The following LYRM4 variants were observed in gnomAD, a reference collection of about 807,000 sequenced individuals.
LYRM4 encodes LYR motif containing 4.
In LYRM4, 9 loss-of-function variants were observed where a neutral mutation model predicts 11.7. That is an observed-to-expected ratio of 0.77 (90% CI 0.46 to 1.34). The LOEUF (loss-of-function observed/expected upper bound fraction) is 1.34, where lower values mean the gene tolerates loss of function less well. Ranked by LOEUF, LYRM4 falls within the 40% of genes most tolerant of loss-of-function variation. LYRM4 has a pLI of 0.00. For missense variants in LYRM4, 133 were observed against 112.5 expected, an observed-to-expected ratio of 1.18 and a Z score of -0.82; for synonymous variants, 42 against 40.4, an observed-to-expected ratio of 1.04 and a Z score of -0.15.
At chr6:5,188,464 AGGGAGGATAAAAGAAGGGGATTATT>A (rs1760553369) in intron 2 of LYRM4, among the ~76,000 whole-genome samples, 1 of 152,230 alleles carries the variant, frequency 6.6e-6, no homozygotes, top group African/African-American at 2.4e-5. Flanking sequence ...TTGTAAATCA[AGGGAGGATAAAAGAAGGGGATTATT>A]GGTTGTGTTT....
rs140323775 is a variant in LYRM4, at chr6:5,147,506, T to C, written c.208-38015A>G. Among the ~76,000 whole-genome samples the C allele has an allele frequency of 5.3e-3, 802 of 152,314 alleles. 8 individuals carry two copies. The highest frequency in any genetic ancestry group is 0.018 in the African/African-American group (765 of 41,558). On this transcript the variant is annotated intron_variant, in intron 2 of 2. Coordinates refer to ENST00000330636, the MANE Select transcript of LYRM4 (RefSeq NM_020408.6). ...CTGGGGATCAATGTGAGGTTACAGT[T>C]GAAACTATGGGTTATCAATGTCCAC...
In LYRM4 at chr6:5,245,126, ATATATATATAT is replaced by A. The variant is rs1561899086; in HGVS notation, c.86+15511_86+15521del. Reference sequence around the variant, plus strand: ...AAAAAAAAAAAAAATATATATATATATATATATATATATATATATATATATATATATATATA... The same window carrying A: ...AAAAAAAAAAAAAATATATATATATAATATATATATATATATATATATATA... On this transcript the variant is annotated intron_variant, in intron 1 of 2. Coordinates refer to ENST00000330636, the MANE Select transcript of LYRM4 (RefSeq NM_020408.6). Among the ~76,000 whole-genome samples the A allele has an allele frequency of 1.1e-4, 6 of 52,536 alleles. 1 individual carries two copies. The highest frequency in any genetic ancestry group is 5.4e-4 in the African/African-American group (6 of 11,128). The allele number at this position is 52,536 out of a possible 152,430, so 34.5% of individuals were successfully genotyped here. A position where few individuals can be genotyped will look rare whatever the true frequency, so the allele number is the denominator to read the frequency against.
At chr6:5,162,253 A>G (rs1200679797) in intron 2 of LYRM4, among the ~76,000 whole-genome samples, 1 of 152,248 alleles carries the variant, frequency 6.6e-6, no homozygotes, top group Non-Finnish European at 1.5e-5. Flanking sequence ...TATGTATCAG[A>G]GCAGAATGTT....
intron 2 of LYRM4, among the ~76,000 whole-genome samples, chr6:5,119,163 T>C (rs191637394): frequency 2.4e-4 from 37 of 152,302 alleles, no homozygotes; most frequent in Admixed American, 1.5e-3. Context: ...AGGGAGGCAG[T>C]GGGGAGTCGG....
At chr6:5,217,603 A>G (rs1318004448) in intron 1 of LYRM4, among the ~76,000 whole-genome samples, 1 of 152,282 alleles carries the variant, frequency 6.6e-6, no homozygotes, top group Non-Finnish European at 1.5e-5. Context: ...AGCCTGTTAC[A>G]TAGAAAGACT....
At chr6:5,122,625 C>T (rs12206931) in intron 2 of LYRM4, among the ~76,000 whole-genome samples, 27,142 of 152,166 alleles carry the variant, frequency 0.18, 2,664 homozygotes, top group African/African-American at 0.24. Flanking sequence ...TCCCTCCTCT[C>T]GCCGACCCAG....
At chr6:5,175,713 T>C (rs1344173377) in intron 2 of LYRM4, among the ~76,000 whole-genome samples, 6 of 152,144 alleles carry the variant, frequency 3.9e-5, no homozygotes, top group East Asian at 1.9e-4. Context: ...CAAAAAAATA[T>C]GGCAGAAATG....
intron 2 of LYRM4, among the ~76,000 whole-genome samples, chr6:5,122,843 C>G (rs1178745348): frequency 6.6e-6 from 1 of 152,226 alleles, no homozygotes; most frequent in East Asian, 1.9e-4. Context: ...GCTCAGCATC[C>G]CAGGCATCCT....
At chr6:5,144,851 C>T (rs1398890088) in intron 2 of LYRM4, among the ~76,000 whole-genome samples, 1 of 152,116 alleles carries the variant, frequency 6.6e-6, no homozygotes, top group African/African-American at 2.4e-5. Context: ...GGTGTTTCTG[C>T]GAGGCCACGC....
chr6:5,233,696 C>T (rs558852183), intron 1 of LYRM4, among the ~76,000 whole-genome samples: 38 of 152,214 alleles, frequency 2.5e-4, no homozygotes, highest in Non-Finnish European at 5.4e-4. Flanking sequence ...GGCTGGACTC[C>T]AACTCCTGGG....
At chr6:5,066,259 C>T in the LYRM4 span, 10 of 720,056 alleles carry the variant, frequency 1.4e-5, no homozygotes, top group Middle Eastern at 2.5e-4. Flanking sequence ...GTCTGGATTT[C>T]GGGGATCTGC....
intron 2 of LYRM4, among the ~76,000 whole-genome samples, chr6:5,179,556 C>G (rs553203359): frequency 1.3e-5 from 2 of 152,336 alleles, no homozygotes; most frequent in South Asian, 2.1e-4. Context: ...TTTCACCTAG[C>G]ATAATGTCCT....
intron 2 of LYRM4, among the ~76,000 whole-genome samples, chr6:5,179,420 G>T (rs892059677): frequency 3.9e-5 from 6 of 151,944 alleles, no homozygotes; most frequent in African/African-American, 1.2e-4. Flanking sequence ...TCATCCCTCA[G>T]TCTCCCCCAA....
the LYRM4 span, among the ~76,000 whole-genome samples, chr6:5,075,209 C>T: frequency 6.6e-6 from 1 of 152,094 alleles, no homozygotes; most frequent in Admixed American, 6.6e-5. Context: ...ATAAATTATC[C>T]AGTCTCAGAT....
chr6:5,122,385 G>A (rs1376022826), intron 2 of LYRM4, among the ~76,000 whole-genome samples: 1 of 152,212 alleles, frequency 6.6e-6, no homozygotes, highest in African/African-American at 2.4e-5. Flanking sequence ...CAGAACCAGA[G>A]TCAAGGGTCC....
rs1761754353 is a variant in LYRM4 at position 5,207,283 on chromosome 6, A to C, written c.207+9335T>G. Among the ~76,000 whole-genome samples, 2 of 152,186 alleles carry C rather than the reference A, an allele frequency of 1.3e-5. 1 individual carries two copies. Among genetic ancestry groups the C allele is most frequent in the South Asian group, 4.1e-4 (2 of 4,832 alleles). On this transcript the variant is annotated intron_variant, in intron 2 of 2. Transcript: ENST00000330636. ...GGTGAAATCCATCCAGTCCGAAAAG[A>C]AAATTCAGCTGCAGCTATCAAGGGC...
At chr6:5,113,525 G>A in intron 2 of LYRM4, 2 of 286,258 alleles carry the variant, frequency 7.0e-6, no homozygotes, top group South Asian at 5.7e-5. Context: ...CCTGAAGGGG[G>A]ACCCACCCTT....
chr6:5,211,430 C>T (rs905782706), intron 2 of LYRM4, among the ~76,000 whole-genome samples: 4 of 152,008 alleles, frequency 2.6e-5, no homozygotes, highest in African/African-American at 9.7e-5. Flanking sequence ...CTTTGCTTAG[C>T]GATCTACAAA....
intron 2 of LYRM4, among the ~76,000 whole-genome samples, chr6:5,204,676 T>A (rs1761588419): frequency 6.6e-6 from 1 of 152,138 alleles, no homozygotes; most frequent in Non-Finnish European, 1.5e-5. Flanking sequence ...CTTTCAACAC[T>A]GAAGTTCCCA....
Sources: allele counts gnomAD v4.1 joint callset (sites outside exome capture counted in the v4.1 genomes callset), GRCh38; gene constraint gnomAD v4.1.1; transcripts MANE v1.5; gene names NCBI Gene and HGNC (gene_info 2026-07-23, HGNC 2026-07-21).